The following ZFAND6 variants were observed in gnomAD, a reference collection of about 807,000 sequenced individuals.
ZFAND6 encodes zinc finger AN1-type containing 6, also known as AN1-type zinc finger protein 6.
Under a neutral mutation model 24.5 loss-of-function variants are expected in ZFAND6, and 12 were observed. The observed-to-expected ratio is 0.49, with a 90% CI of 0.31 to 0.79. The LOEUF (loss-of-function observed/expected upper bound fraction) is 0.79. ZFAND6 is among the 30% of genes least tolerant of loss of function. ZFAND6 has a pLI of 0.04. For synonymous variants in ZFAND6, 92 were observed against 81.5 expected, an observed-to-expected ratio of 1.13 and a Z score of -0.69; for missense variants, 207 against 245.9, an observed-to-expected ratio of 0.84 and a Z score of 1.06.
At position 80,120,428 on chromosome 15, in the gene ZFAND6, C is replaced by T; in HGVS notation, c.84C>T (p.Gly28=). Residue 28 remains glycine (G), a synonymous_variant, in exon 3 of 7, where the codon GGC becomes GGT. Coordinates refer to ENST00000261749, the MANE Select transcript of ZFAND6 (RefSeq NM_019006.4). The stretch of plus-strand genomic sequence containing the variant: ...TTTATGGAAACCCTCGTACAAATGG[C>T]ATGTGTTCAGTATGCTATAAAGAAC... ...CGFYGNPRTN[G]MCSVCYKEHL... The T allele has an allele frequency of 6.2e-7, 1 of 1,606,500 alleles. No homozygotes were observed. Among genetic ancestry groups the T allele is most frequent in the Non-Finnish European group, 8.5e-7 (1 of 1,175,050 alleles).
chr15:80,107,082 G>A (rs2039367704), intron 2 of ZFAND6, among the ~76,000 whole-genome samples: 1 of 152,140 alleles, frequency 6.6e-6, no homozygotes, highest in Non-Finnish European at 1.5e-5. Context: ...AGGCATGGTG[G>A]CGGACGCCAG....
At chr15:80,123,879 G>A (rs760453117) in intron 5 of ZFAND6, among the ~76,000 whole-genome samples, 36 of 152,058 alleles carry the variant, frequency 2.4e-4, no homozygotes, top group East Asian at 1.8e-3. Context: ...CCCCACACCC[G>A]GTCTCAAGAA....
chr15:80,122,611 C>A, intron 4 of ZFAND6, 89 bp from the exon 5 acceptor site: 1 of 785,886 alleles, frequency 1.3e-6, no homozygotes, highest in Admixed American at 2.1e-5. Context: ...TAATTATCTA[C>A]TTAGATATGT....
rs141050671 is a variant in ZFAND6, at chr15:80,073,424, T to A, written c.-181+13615T>A. 527 of 204,452 alleles carry A rather than the reference T, an allele frequency of 2.6e-3. 4 individuals carry two copies. The highest frequency in any genetic ancestry group is 0.012 in the African/African-American group (500 of 42,322). The allele number at this position is 204,452 out of a possible 1,614,324, so 12.7% of individuals were successfully genotyped here. The stretch of plus-strand genomic sequence containing the variant: ...AGTGTATTTCAGTACAAGAATATTT[T>A]TTAGAGACTGTTTTCTTTATATTGT... On this transcript the variant is annotated intron_variant, in intron 1 of 6. Coordinates refer to ENST00000261749, the MANE Select transcript of ZFAND6 (RefSeq NM_019006.4).
chr15:80,136,334 G>A (rs780446050), intron 6 of ZFAND6, among the ~76,000 whole-genome samples: 2 of 151,918 alleles, frequency 1.3e-5, no homozygotes, highest in East Asian at 1.9e-4. Context: ...GTGTGGTGGC[G>A]TGCACCTGTA....
At chr15:80,066,330 A>C (rs930550600) in intron 1 of ZFAND6, among the ~76,000 whole-genome samples, 2 of 151,814 alleles carry the variant, frequency 1.3e-5, no homozygotes, top group Admixed American at 6.6e-5. Flanking sequence ...AAAAAAAAAA[A>C]AAAACGGAGT....
chr15:80,078,393 C>CT (rs1163458486), intron 1 of ZFAND6, among the ~76,000 whole-genome samples: 2 of 152,168 alleles, frequency 1.3e-5, no homozygotes, highest in Non-Finnish European at 2.9e-5. Flanking sequence ...TGATTTTGTT[C>CT]TTTTTTATGG....
At chr15:80,077,661 A>G (rs2037361243) in intron 1 of ZFAND6, among the ~76,000 whole-genome samples, 3 of 151,340 alleles carry the variant, frequency 2.0e-5, no homozygotes. Flanking sequence ...AAAATCCATG[A>G]ATTACCCATT....
rs1265134171 is a variant in ZFAND6 at position 80,133,989 on chromosome 15, T to G, written c.478+2696T>G. On this transcript the variant is annotated intron_variant, in intron 6 of 6. Transcript: ENST00000261749. ...GGGACTGCCTTTTAAAGTTGTTGGG[T>G]TTTTTTTTTTTTTTTGAGATGGAGT... Among the ~76,000 whole-genome samples the G allele has an allele frequency of 5.3e-5, 7 of 132,064 alleles. No homozygotes were observed. The East Asian group carries it at 1.0e-3, about 19-fold the overall frequency. 86.6% of individuals were successfully genotyped at this position (132,064 alleles called of 152,430 possible).
intron 1 of ZFAND6, among the ~76,000 whole-genome samples, chr15:80,061,538 T>C (rs1357740070): frequency 6.6e-6 from 1 of 152,226 alleles, no homozygotes; most frequent in Non-Finnish European, 1.5e-5. Flanking sequence ...GTCACTTCCT[T>C]GACTTTTTGA....
At chr15:80,122,999 C>A (rs2040214330) in intron 5 of ZFAND6, 199 bp downstream of exon 5, 1 of 476,988 alleles carries the variant, frequency 2.1e-6, no homozygotes. Flanking sequence ...TTATCATCAG[C>A]ATAAATGTTG....
In ZFAND6 at chr15:80,062,027, C is replaced by T. The variant is rs137865491; in HGVS notation, c.-181+2218C>T. On this transcript the variant is annotated intron_variant, in intron 1 of 6. Coordinates refer to ENST00000261749, the MANE Select transcript of ZFAND6 (RefSeq NM_019006.4). Reference sequence around the variant, plus strand: ...TAATGACTCTCTTACTTTGAAGTCACATTGTAAAAAGTCTGGCACTGTTTG... The same window carrying T: ...TAATGACTCTCTTACTTTGAAGTCATATTGTAAAAAGTCTGGCACTGTTTG... Among the ~76,000 whole-genome samples, 19 of 152,284 alleles carry T rather than the reference C, an allele frequency of 1.2e-4. No individual in the cohort carries two copies. The East Asian group carries it at 3.1e-3, about 25-fold the overall frequency.
chr15:80,094,213 G>C (rs896943194), intron 1 of ZFAND6, among the ~76,000 whole-genome samples: 1 of 152,194 alleles, frequency 6.6e-6, no homozygotes, highest in African/African-American at 2.4e-5. Flanking sequence ...CAGTCCCTGG[G>C]CTGGCAACTG....
intron 1 of ZFAND6, among the ~76,000 whole-genome samples, chr15:80,093,556 G>C (rs1035094098): frequency 1.3e-5 from 2 of 151,896 alleles, no homozygotes; most frequent in Admixed American, 1.3e-4. Flanking sequence ...GTGAAACTCC[G>C]TCTCTACTAA....
chr15:80,086,150 T>C (rs1351077718), intron 1 of ZFAND6, among the ~76,000 whole-genome samples: 2 of 152,230 alleles, frequency 1.3e-5, no homozygotes, highest in African/African-American at 4.8e-5. Flanking sequence ...GTGATTCTCC[T>C]GCCTCAGCCT....
intron 2 of ZFAND6, among the ~76,000 whole-genome samples, chr15:80,118,769 T>A (rs1349255091): frequency 2.6e-5 from 4 of 152,202 alleles, no homozygotes; most frequent in African/African-American, 9.7e-5. Context: ...GACTTTTTTT[T>A]TTTAAAGGCA....
At chr15:80,101,527 GC>G (rs1243120264) in intron 2 of ZFAND6, among the ~76,000 whole-genome samples, 1 of 152,080 alleles carries the variant, frequency 6.6e-6, no homozygotes, top group Admixed American at 6.6e-5. Context: ...GTGTGCATTA[GC>G]CCCATTTCAC....
At chr15:80,064,718 G>A (rs988938765) in intron 1 of ZFAND6, among the ~76,000 whole-genome samples, 1 of 152,172 alleles carries the variant, frequency 6.6e-6, no homozygotes, top group East Asian at 1.9e-4. Flanking sequence ...ATGGTTCACT[G>A]AGGCCTCTAC....
chr15:80,127,898 G>A (rs532632995), intron 5 of ZFAND6, among the ~76,000 whole-genome samples: 4 of 152,208 alleles, frequency 2.6e-5, no homozygotes, highest in South Asian at 2.1e-4. Context: ...ACAAGTGTTC[G>A]TAGCAGTATT....
Sources: gnomAD v4.1 joint callset for allele counts (sites outside exome capture counted in the v4.1 genomes callset) on GRCh38, gnomAD v4.1.1 for gene constraint, MANE v1.5 for transcripts, NCBI Gene and HGNC (gene_info 2026-07-23, HGNC 2026-07-21) for gene names.